Variants in ERBB4 observed in about 807,000 individuals in gnomAD.
The protein encoded by ERBB4 is erb-b2 receptor tyrosine kinase 4.
Under a neutral mutation model 158.0 loss-of-function variants are expected in ERBB4, and 42 were observed. The ratio of observed to expected loss-of-function variants is 0.27; its 90% CI spans 0.21 to 0.34. The LOEUF is 0.34. ERBB4 is among the 10% of genes least tolerant of loss of function. The pLI, the probability that ERBB4 is intolerant of heterozygous loss-of-function variation, is 1.00. For synonymous variants in ERBB4, 583 were observed against 558.7 expected (o/e 1.04, Z -0.61); for missense variants, 1,333 against 1,624.1 (o/e 0.82, Z 3.08).
rs1049043095 is a variant in ERBB4, at chr2:211,789,046, C to T, written c.422-887G>A. Among the ~76,000 whole-genome samples the T allele has an allele frequency of 4.6e-5, 7 of 152,162 alleles. No homozygotes were observed. The East Asian group carries it at 5.8e-4, about 13-fold the overall frequency. On this transcript the variant is annotated intron_variant, in intron 3 of 27. Transcript: ENST00000342788. ...CTGACCACAGAAATGAATTCTCTTT[C>T]GGATAGCTTTAAGTTATCCAGGAAA...
intron 1 of ERBB4, among the ~76,000 whole-genome samples, chr2:212,281,428 T>A (rs1337560242): frequency 6.6e-6 from 1 of 151,764 alleles, no homozygotes; most frequent in Non-Finnish European, 1.5e-5. Context: ...CAGTCACATA[T>A]GGATATTTGG....
chr2:212,387,446 A>G (rs1480858824), intron 1 of ERBB4, among the ~76,000 whole-genome samples: 1 of 141,876 alleles, frequency 7.0e-6, no homozygotes, highest in Non-Finnish European at 1.5e-5. Context: ...TCTTGCAGTT[A>G]GAACACATTT....
intron 1 of ERBB4, among the ~76,000 whole-genome samples, chr2:212,346,531 G>T (rs2089009338): frequency 6.6e-6 from 1 of 151,978 alleles, no homozygotes; most frequent in Non-Finnish European, 1.5e-5. Context: ...AACATGAAAT[G>T]TTTTAAATGT....
chr2:212,316,685 G>A (rs1226918563), intron 1 of ERBB4, among the ~76,000 whole-genome samples: 4 of 151,440 alleles, frequency 2.6e-5, no homozygotes, highest in Admixed American at 1.3e-4. Flanking sequence ...GGTGTCAGTT[G>A]AGAGACTAGT....
At chr2:212,218,201 T>C (rs1257176025) in intron 1 of ERBB4, among the ~76,000 whole-genome samples, 2 of 151,284 alleles carry the variant, frequency 1.3e-5, no homozygotes, top group African/African-American at 4.8e-5. Flanking sequence ...AGGATCAGCT[T>C]TGGGTTTCAA....
intron 6 of ERBB4, among the ~76,000 whole-genome samples, chr2:211,722,803 T>C (rs1165548990): frequency 6.6e-6 from 1 of 152,212 alleles, no homozygotes; most frequent in Non-Finnish European, 1.5e-5. Context: ...AGTTAGCTAA[T>C]AGTGAAAAAT....
At chr2:211,881,477 A>G (rs540851627) in intron 3 of ERBB4, among the ~76,000 whole-genome samples, 2 of 151,956 alleles carry the variant, frequency 1.3e-5, no homozygotes, top group South Asian at 4.2e-4. Flanking sequence ...AGGGCCAGGT[A>G]TGTCTGCCAT....
chr2:212,120,070 GCAAT>G (rs372794454), intron 2 of ERBB4, among the ~76,000 whole-genome samples: 33 of 152,244 alleles, frequency 2.2e-4, no homozygotes, highest in African/African-American at 7.9e-4. Flanking sequence ...TGGCTGGATT[GCAAT>G]CAGTCATCAG....
At chr2:212,056,132 C>T (rs1318278302) in intron 2 of ERBB4, among the ~76,000 whole-genome samples, 1 of 152,190 alleles carries the variant, frequency 6.6e-6, no homozygotes, top group East Asian at 1.9e-4. Flanking sequence ...GTGACGAATA[C>T]ACAAGCTTCA....
At chr2:212,363,679 T>C (rs889039362) in intron 1 of ERBB4, among the ~76,000 whole-genome samples, 2 of 151,566 alleles carry the variant, frequency 1.3e-5, no homozygotes, top group African/African-American at 4.8e-5. Flanking sequence ...TATTTGGAAA[T>C]GAGTTACATA....
In ERBB4 at chr2:212,233,963, TTTATTATTATTATTATTA is replaced by T. The variant is rs60130196; in HGVS notation, c.83-109078_83-109061del. Among the ~76,000 whole-genome samples the T allele has an allele frequency of 8.3e-5, 12 of 143,814 alleles. No homozygotes were observed. In the South Asian group the frequency reaches 1.6e-3, roughly 19 times the overall value. 94.3% of individuals were successfully genotyped at this position (143,814 alleles called of 152,430 possible). On this transcript the variant is annotated intron_variant, in intron 1 of 27. Coordinates refer to ENST00000342788, the MANE Select transcript of ERBB4 (RefSeq NM_005235.3). ...TTTTTGTATATGTCTCTTTGCATTA[TTTATTATTATTATTATTA>T]TTATTATTATTATTATTATTATGCT...
At chr2:212,195,314 C>T (rs528465072) in intron 1 of ERBB4, among the ~76,000 whole-genome samples, 3 of 152,040 alleles carry the variant, frequency 2.0e-5, no homozygotes, top group East Asian at 1.9e-4. Flanking sequence ...CTGACAATTA[C>T]TCAAGGTGTT....
At chr2:212,134,217 A>T (rs1041378311) in intron 1 of ERBB4, among the ~76,000 whole-genome samples, 1 of 152,038 alleles carries the variant, frequency 6.6e-6, no homozygotes, top group Non-Finnish European at 1.5e-5. Flanking sequence ...TATTAGGGTA[A>T]ATTATTGATA....
intron 20 of ERBB4, among the ~76,000 whole-genome samples, chr2:211,456,968 A>C (rs1445841654): frequency 1.3e-5 from 2 of 152,214 alleles, no homozygotes; most frequent in Non-Finnish European, 2.9e-5. Context: ...AAACATTGAC[A>C]TAAACTCATA....
chr2:211,565,011 C>T (rs926174099), intron 19 of ERBB4, among the ~76,000 whole-genome samples: 1 of 152,042 alleles, frequency 6.6e-6, no homozygotes, highest in Non-Finnish European at 1.5e-5. Flanking sequence ...CAAAGATATG[C>T]ACAAGAAAGA....
chr2:211,687,451 A>G (rs2072608860), intron 12 of ERBB4, among the ~76,000 whole-genome samples: 1 of 152,108 alleles, frequency 6.6e-6, no homozygotes. Context: ...GCCTGGTGAG[A>G]GTAGAAGTCT....
At chr2:211,626,111 A>G (rs1270140305) in intron 17 of ERBB4, among the ~76,000 whole-genome samples, 1 of 152,196 alleles carries the variant, frequency 6.6e-6, no homozygotes, top group Non-Finnish European at 1.5e-5. Context: ...GTGTAGCAAT[A>G]ATTACCTTAG....
chr2:212,424,757 ATGT>A (rs2091870374), intron 1 of ERBB4, among the ~76,000 whole-genome samples: 1 of 151,992 alleles, frequency 6.6e-6, no homozygotes, highest in East Asian at 1.9e-4. Context: ...TAGAAGGGGA[ATGT>A]TGTGAAAGAG....
Position 212,322,481 on chromosome 2 carries a change from C to G in ERBB4, c.83-197578G>C, listed in dbSNP as rs547296043. Among the ~76,000 whole-genome samples the G allele has an allele frequency of 5.2e-4, 78 of 150,628 alleles. 8 individuals are homozygous for G. Among genetic ancestry groups the G allele is most frequent in the Non-Finnish European group, 8.6e-4 (58 of 67,104 alleles). ...ACTATTTTATGTGATTACTAAATGT[C>G]TTCTAGAATATCTAATCTTTATTTA... On this transcript the variant is annotated intron_variant, in intron 1 of 27. Coordinates refer to ENST00000342788, the MANE Select transcript of ERBB4 (RefSeq NM_005235.3).
Sources: gnomAD v4.1 joint callset for allele counts (sites outside exome capture counted in the v4.1 genomes callset) on GRCh38, gnomAD v4.1.1 for gene constraint, MANE v1.5 for transcripts, NCBI Gene and HGNC (gene_info 2026-07-23, HGNC 2026-07-21) for gene names.